Variants in HDAC1 observed in about 807,000 individuals in gnomAD.
The protein encoded by HDAC1 is protein deacetylase HDAC1.
In HDAC1, 18 loss-of-function variants were observed where a neutral mutation model predicts 65.5. The observed-to-expected ratio is 0.27, with a 90% CI of 0.19 to 0.41. The LOEUF (loss-of-function observed/expected upper bound fraction) is 0.41. Among genes scored for constraint, HDAC1 ranks in the 10% least tolerant of loss-of-function variants. HDAC1 has a pLI of 1.00. For missense variants in HDAC1, 373 were observed against 625.2 expected (o/e 0.60, Z 4.30); for synonymous variants, 211 against 227.9 (o/e 0.93, Z 0.67).
In HDAC1 at chr1:32,333,441, C is replaced by G. The variant is rs1641327629; in HGVS notation, c.*397C>G. Reference sequence around the variant, plus strand: ...TTTTTTCAGGCTCCTAAAGTAACATCAGCCATTTTTAGATTGGTTCTGTTT... The same window carrying G: ...TTTTTTCAGGCTCCTAAAGTAACATGAGCCATTTTTAGATTGGTTCTGTTT... On this transcript the variant is annotated 3_prime_UTR_variant, in exon 14 of 14. Coordinates refer to ENST00000373548, the MANE Select transcript of HDAC1 (RefSeq NM_004964.3). The G allele has an allele frequency of 6.3e-6, 1 of 158,014 alleles. No individual in the cohort carries two copies. The highest frequency in any genetic ancestry group is 6.3e-5 in the Admixed American group (1 of 15,822). 9.8% of individuals were successfully genotyped at this position (158,014 alleles called of 1,614,324 possible). A position where few individuals can be genotyped will look rare whatever the true frequency, so the allele number is the denominator to read the frequency against.
At chr1:32,296,210 G>C (rs912478848) in intron 1 of HDAC1, among the ~76,000 whole-genome samples, 2 of 152,150 alleles carry the variant, frequency 1.3e-5, no homozygotes. Context: ...TATAATGATA[G>C]AGAGTGAGGG....
chr1:32,297,938 T>A (rs1570000488), intron 1 of HDAC1, among the ~76,000 whole-genome samples: 1 of 149,412 alleles, frequency 6.7e-6, no homozygotes, highest in African/African-American at 2.5e-5. Context: ...TACAGGCGCC[T>A]ACCACCACAC....
At chr1:32,297,306 C>T (rs926869220) in intron 1 of HDAC1, among the ~76,000 whole-genome samples, 2 of 152,042 alleles carry the variant, frequency 1.3e-5, no homozygotes, top group Admixed American at 1.3e-4. Flanking sequence ...GTTTGGGAGG[C>T]CAAGGCGGAA....
At position 32,331,853 on chromosome 1, in the gene HDAC1, T is replaced by C. The variant is rs747865641; in HGVS notation, c.1219+47T>C. On this transcript the variant is annotated intron_variant, in intron 11 of 13. Coordinates refer to ENST00000373548, the MANE Select transcript of HDAC1 (RefSeq NM_004964.3). This position sits in a 1 kb window ranked among gnomAD's most constrained non-coding sequence, Gnocchi z 4.2. ...CTATGCCTTCCATTCAATAGGCAGC[T>C]CACACTTCCACCACCATTCCTGGCT... is the stretch of plus-strand genomic sequence containing the variant. 1.3e-6 allele frequency: 2 copies of C among 1,555,758 alleles called. No individual in the cohort carries two copies. Among genetic ancestry groups the C allele is most frequent in the Admixed American group, 3.9e-5 (2 of 51,570 alleles).
chr1:32,331,529 C>G lies in HDAC1; in HGVS notation c.1035C>G (p.Ile345Met). 1 of 1,612,538 alleles carries G rather than the reference C, an allele frequency of 6.2e-7. No homozygotes were observed. The highest frequency in any genetic ancestry group is 8.5e-7 in the Non-Finnish European group (1 of 1,178,586). ...TTGGACCAGATTTCAAGCTCCACAT[C>G]AGTCCTTCCAATATGACTAACCAGA... ...EYFGPDFKLH[I>M]SPSNMTNQNT... is the part of the protein sequence containing the mutation. Residue 345 changes from isoleucine to methionine, a missense_variant, in exon 10 of 14, where the codon ATC becomes ATG. Ile to Met is a conservative substitution (Grantham distance 10). Around this residue, in one of 4 missense-constraint regions of HDAC1, gnomAD observed 105 missense variants for 192.6 expected, o/e 0.55. Coordinates refer to ENST00000373548, the MANE Select transcript of HDAC1 (RefSeq NM_004964.3). This position sits in a 1 kb window ranked among gnomAD's most constrained non-coding sequence, Gnocchi z 4.2.
At chr1:32,297,185 G>A (rs1481162076) in intron 1 of HDAC1, among the ~76,000 whole-genome samples, 2 of 152,098 alleles carry the variant, frequency 1.3e-5, no homozygotes, top group South Asian at 2.1e-4. Flanking sequence ...TGTGATTTTT[G>A]TAGTCATATC....
Position 32,330,251 on chromosome 1 carries a change from A to C in HDAC1, c.730-327A>C, listed in dbSNP as rs1030145395. 1 of 322,766 alleles carries C rather than the reference A, an allele frequency of 3.1e-6. No homozygotes were observed. Among genetic ancestry groups the C allele is most frequent in the Admixed American group, 4.5e-5 (1 of 22,046 alleles). 20.0% of individuals were successfully genotyped at this position (322,766 alleles called of 1,614,324 possible). Reference sequence around the variant, plus strand: ...CTGTAAGACCGAATGAGTAGAGTAGATGCAGCTAAAGGTCAGGAAGGCTTC... The same window carrying C: ...CTGTAAGACCGAATGAGTAGAGTAGCTGCAGCTAAAGGTCAGGAAGGCTTC... On this transcript the variant is annotated intron_variant, in intron 7 of 13. Coordinates refer to ENST00000373548, the MANE Select transcript of HDAC1 (RefSeq NM_004964.3). This position sits in a 1 kb window ranked among gnomAD's most constrained non-coding sequence, Gnocchi z 4.2.
At chr1:32,312,683 G>A (rs1376823815) in intron 2 of HDAC1, among the ~76,000 whole-genome samples, 1 of 143,646 alleles carries the variant, frequency 7.0e-6, no homozygotes, top group South Asian at 2.2e-4. Flanking sequence ...TTGTTTGTTT[G>A]CTTGTTTTTT....
intron 4 of HDAC1, among the ~76,000 whole-genome samples, chr1:32,325,847 G>A: frequency 6.6e-6 from 1 of 152,092 alleles, no homozygotes; most frequent in East Asian, 1.9e-4. Flanking sequence ...CCAACATGGT[G>A]AAACCCCATC....
intron 4 of HDAC1, among the ~76,000 whole-genome samples, chr1:32,326,159 TTTTC>T (rs1162973275): frequency 3.9e-5 from 6 of 152,004 alleles, no homozygotes; most frequent in African/African-American, 1.4e-4. Flanking sequence ...CTTTGGTAAT[TTTTC>T]TTTTTCTTTT....
In HDAC1 at chr1:32,331,285, CAT is replaced by C. The variant is rs1201784385; in HGVS notation, c.980-187_980-186del. Among the ~76,000 whole-genome samples, 10 of 152,172 alleles carry C rather than the reference CAT, an allele frequency of 6.6e-5. No individual in the cohort carries two copies. The highest frequency in any genetic ancestry group is 1.5e-5 in the Non-Finnish European group (1 of 68,026). On this transcript the variant is annotated intron_variant, in intron 9 of 13. Transcript: ENST00000373548. The surrounding 1 kb of genome is among the most constrained non-coding windows in gnomAD (Gnocchi z 4.2). ...GCGACATATACACCACTGGTACAGA[CAT>C]AGGAGAGTGATGTTAAAAAGATGGA...
chr1:32,296,076 T>C (rs184507696), intron 1 of HDAC1, among the ~76,000 whole-genome samples: 1 of 152,306 alleles, frequency 6.6e-6, no homozygotes, highest in African/African-American at 2.4e-5. Flanking sequence ...TACTTGGTCA[T>C]ATTTCTTGTA....
chr1:32,333,196 G>C lies in HDAC1; in HGVS notation c.*152G>C. The stretch of plus-strand genomic sequence containing the variant: ...ACAGAAACCAAGGCCCCGAGCTCAG[G>C]GCAGCTGTGCTGGGTGAGCTCTTCC... On this transcript the variant is annotated 3_prime_UTR_variant, in exon 14 of 14. Transcript: ENST00000373548. 2 of 614,970 alleles carry C rather than the reference G, an allele frequency of 3.3e-6. No individual in the cohort carries two copies. The highest frequency in any genetic ancestry group is 1.9e-5 in the African/African-American group (1 of 53,300). The allele number at this position is 614,970 out of a possible 1,614,324, so 38.1% of individuals were successfully genotyped here.
chr1:32,304,421 C>T (rs933789466), intron 2 of HDAC1, among the ~76,000 whole-genome samples: 1 of 152,036 alleles, frequency 6.6e-6, no homozygotes, highest in African/African-American at 2.4e-5. Context: ...TATCTCTGCT[C>T]CCGAGAGCTC....
chr1:32,322,887 C>T (rs1641167050), intron 3 of HDAC1, among the ~76,000 whole-genome samples: 1 of 152,152 alleles, frequency 6.6e-6, no homozygotes. Flanking sequence ...CTGTTTGTTC[C>T]TCCGCACAGT....
At position 32,332,163 on chromosome 1, in the gene HDAC1, C is replaced by G. The variant is rs766740964; in HGVS notation, c.1293C>G (p.Arg431=). ...SDSEEEGEGG[R]KNSSNFKKAK... ...CTGAAGAGGAGGGAGAGGGGGGCCG[C>G]AAGAACTCTTCCAACTTCAAAAAAG... The change falls in exon 12 of 14, where the codon CGC becomes CGG. Residue 431 remains arginine, a synonymous_variant. Transcript: ENST00000373548. The G allele has an allele frequency of 4.0e-5, 64 of 1,613,416 alleles. No individual in the cohort carries two copies. Among genetic ancestry groups the G allele is most frequent in the Non-Finnish European group, 5.4e-5 (64 of 1,179,624 alleles).
chr1:32,292,262 G>C, intron 1 of HDAC1, 44 bp downstream of exon 1: 1 of 1,546,142 alleles, frequency 6.5e-7, no homozygotes, highest in South Asian at 1.2e-5. Context: ...GGCCGGGCCG[G>C]ACCGGGAACC....
chr1:32,316,020 T>C (rs1296329350), intron 2 of HDAC1, among the ~76,000 whole-genome samples: 2 of 149,012 alleles, frequency 1.3e-5, no homozygotes, highest in Non-Finnish European at 3.0e-5. Context: ...TGGTGGCTCA[T>C]GCCTGTAATC....
intron 3 of HDAC1, among the ~76,000 whole-genome samples, chr1:32,320,225 G>GAA (rs112726602): frequency 1.6e-5 from 2 of 121,842 alleles, no homozygotes; most frequent in South Asian, 2.6e-4. Context: ...TTCTCAAAAA[G>GAA]AAAAAAAAAA....
Sources: allele counts gnomAD v4.1 joint callset (sites outside exome capture counted in the v4.1 genomes callset), GRCh38; gene constraint gnomAD v4.1.1; regional missense constraint gnomAD v4.1.1; non-coding constraint Gnocchi (gnomAD v3.1); transcripts MANE v1.5; gene names NCBI Gene and HGNC (gene_info 2026-07-23, HGNC 2026-07-21).